GYPC: variants seen among roughly 807,000 people sequenced by gnomAD.
The protein encoded by GYPC is glycophorin C (Gerbich blood group), also known as glycophorin-C.
Under a neutral mutation model 12.6 loss-of-function variants are expected in GYPC, and 14 were observed. That is an observed-to-expected ratio of 1.11 (90% CI 0.74 to 1.74). The LOEUF (loss-of-function observed/expected upper bound fraction) is 1.74, where lower values mean the gene tolerates loss of function less well. Among genes scored for constraint, GYPC ranks in the 40% most tolerant of loss-of-function variants. GYPC has a pLI of 0.00. For synonymous variants in GYPC, 78 were observed against 62.1 expected (o/e 1.26, Z -1.20); for missense variants, 225 against 172.1 (o/e 1.31, Z -1.72).
intron 1 of GYPC, among the ~76,000 whole-genome samples, chr2:126,661,070 T>C (rs1175494055): frequency 6.6e-6 from 1 of 152,202 alleles, no homozygotes; most frequent in African/African-American, 2.4e-5. Context: ...TACAAAATCT[T>C]AACCCATGGC....
chr2:126,684,045 C>T (rs187691266), intron 1 of GYPC, among the ~76,000 whole-genome samples: 53 of 152,166 alleles, frequency 3.5e-4, no homozygotes, highest in Admixed American at 2.5e-3. Flanking sequence ...CAGATAAGAC[C>T]GGATAAGGGT....
intron 1 of GYPC, chr2:126,686,193 C>T (rs919379866): frequency 1.9e-5 from 19 of 985,244 alleles, no homozygotes; most frequent in East Asian, 1.1e-4. Context: ...GTGTGACTTC[C>T]AGCCTCAGGG....
chr2:126,692,943 C>T (rs1221037019), intron 2 of GYPC, among the ~76,000 whole-genome samples: 1 of 152,162 alleles, frequency 6.6e-6, no homozygotes, highest in Non-Finnish European at 1.5e-5. Context: ...GGTGTTCTTC[C>T]TGTGAGATGG....
chr2:126,684,973 C>G (rs573587249), intron 1 of GYPC, among the ~76,000 whole-genome samples: 9 of 152,308 alleles, frequency 5.9e-5, no homozygotes, highest in African/African-American at 2.2e-4. Flanking sequence ...TGAATAAATG[C>G]TAACTGCTTA....
At chr2:126,674,268 G>A (rs28387138) in intron 1 of GYPC, among the ~76,000 whole-genome samples, 41 of 152,262 alleles carry the variant, frequency 2.7e-4, no homozygotes, top group African/African-American at 7.9e-4. Flanking sequence ...GTGCTGGGTG[G>A]CCTGGTGTTG....
intron 1 of GYPC, among the ~76,000 whole-genome samples, chr2:126,679,393 T>A (rs954199194): frequency 9.9e-5 from 15 of 152,252 alleles, no homozygotes; most frequent in Middle Eastern, 3.4e-3. Context: ...ATGGAGTGAC[T>A]ATTGAGCGAC....
intron 1 of GYPC, chr2:126,658,464 C>G (rs780298921): frequency 6.6e-6 from 1 of 152,262 alleles, no homozygotes; most frequent in Non-Finnish European, 1.5e-5. Context: ...TGGGCCAAGT[C>G]AAGTCAGTTT....
chr2:126,669,095 T>C (rs17690564), intron 1 of GYPC, among the ~76,000 whole-genome samples: 33,355 of 152,190 alleles, frequency 0.22, 4,415 homozygotes, highest in Non-Finnish European at 0.3. Context: ...TAGTTAGACA[T>C]AGTCGCAGCT....
chr2:126,669,480 T>A (rs1000136462), intron 1 of GYPC, among the ~76,000 whole-genome samples: 1 of 151,932 alleles, frequency 6.6e-6, no homozygotes, highest in Non-Finnish European at 1.5e-5. Context: ...AAGAACAGAG[T>A]ATCCTCTCCC....
intron 1 of GYPC, among the ~76,000 whole-genome samples, chr2:126,678,040 T>A (rs1683057184): frequency 6.6e-6 from 1 of 152,050 alleles, no homozygotes. Flanking sequence ...GCTAACACGG[T>A]GAAACCCCTT....
At chr2:126,659,780 CTTT>C (rs1203132482) in intron 1 of GYPC, among the ~76,000 whole-genome samples, 8 of 137,882 alleles carry the variant, frequency 5.8e-5, no homozygotes, top group Admixed American at 1.5e-4. Flanking sequence ...TCTTTCTTTT[CTTT>C]TTTTTTTTTT....
At chr2:126,685,818 G>A in intron 1 of GYPC, 2 of 985,360 alleles carry the variant, frequency 2.0e-6, no homozygotes, top group Non-Finnish European at 2.4e-6. Flanking sequence ...AACAAGGTTT[G>A]TCATTGCAGG....
At chr2:126,695,648 T>C (rs1683618662) in intron 3 of GYPC, among the ~76,000 whole-genome samples, 1 of 148,480 alleles carries the variant, frequency 6.7e-6, no homozygotes, top group African/African-American at 2.5e-5. Flanking sequence ...AAATAGTCTC[T>C]GGGTCAGATG....
intron 1 of GYPC, among the ~76,000 whole-genome samples, chr2:126,656,703 C>G (rs1238095404): frequency 6.6e-6 from 1 of 152,208 alleles, no homozygotes; most frequent in African/African-American, 2.4e-5. Context: ...GTGCTGCTCC[C>G]CAGCCAGGGT....
chr2:126,662,694 C>T lies in GYPC; in HGVS notation c.49+6382C>T, dbSNP rs1039821497. 1.1e-4 allele frequency among the ~76,000 whole-genome samples: 16 copies of T among 152,326 alleles called. 1 individual carries two copies. Among genetic ancestry groups the T allele is most frequent in the South Asian group, 4.1e-4 (2 of 4,824 alleles). The stretch of plus-strand genomic sequence containing the variant: ...TTTGCACTGGGCTCTGCAAATTCTA[C>T]GGCTAGTCCTGAACCTGTCAATGGA... On this transcript the variant is annotated intron_variant, in intron 1 of 3. Transcript: ENST00000259254.
chr2:126,664,192 A>T (rs905599658), intron 1 of GYPC, among the ~76,000 whole-genome samples: 2 of 151,930 alleles, frequency 1.3e-5, no homozygotes, highest in Non-Finnish European at 2.9e-5. Context: ...TTCCCTTTTT[A>T]AAAAATTTTC....
At chr2:126,681,437 T>C (rs1430763684) in intron 1 of GYPC, among the ~76,000 whole-genome samples, 1 of 152,228 alleles carries the variant, frequency 6.6e-6, no homozygotes, top group Non-Finnish European at 1.5e-5. Flanking sequence ...CATTACCATC[T>C]ACTTTCCCGA....
At chr2:126,695,595 A>G (rs1403919403) in intron 3 of GYPC, among the ~76,000 whole-genome samples, 1 of 152,154 alleles carries the variant, frequency 6.6e-6, no homozygotes, top group African/African-American at 2.4e-5. Flanking sequence ...AACTTTGACC[A>G]TTTCCCAGGC....
At chr2:126,658,757 C>T (rs1320781506) in intron 1 of GYPC, 1 of 152,096 alleles carries the variant, frequency 6.6e-6, no homozygotes, top group African/African-American at 2.4e-5. Flanking sequence ...AATAAAAATG[C>T]ATTTTATATA....
Sources: allele counts gnomAD v4.1 joint callset (sites outside exome capture counted in the v4.1 genomes callset), GRCh38; gene constraint gnomAD v4.1.1; transcripts MANE v1.5; gene names NCBI Gene and HGNC (gene_info 2026-07-23, HGNC 2026-07-21).